FAM167A: variants seen among roughly 807,000 people sequenced by gnomAD.
The protein encoded by FAM167A is protein FAM167A.
A neutral mutation model predicts 14.9 loss-of-function variants in FAM167A; 23 were observed. That is an observed-to-expected ratio of 1.55 (90% CI 1.11 to 2.19). The LOEUF is 2.19. Among genes scored for constraint, FAM167A ranks in the 30% most tolerant of loss-of-function variants. FAM167A has a pLI of 0.00. For missense variants in FAM167A, 401 were observed against 281.5 expected (o/e 1.42, Z -3.04); for synonymous variants, 174 against 117.7 (o/e 1.48, Z -3.10).
chr8:11,438,886 G>A (rs1261668459), intron 2 of FAM167A, among the ~76,000 whole-genome samples: 2 of 152,204 alleles, frequency 1.3e-5, no homozygotes, highest in African/African-American at 4.8e-5. Context: ...ATGGCTCCGA[G>A]CAACTTGCTA....
rs554978519 is a variant in FAM167A, at chr8:11,421,521, C to G, written c.*2852G>C. Reference sequence around the variant, plus strand: ...CTTCTTTTGAAGTATTTTTATTTCACTTTTTCTAACAGCAATATAGAAACA... The same window carrying G: ...CTTCTTTTGAAGTATTTTTATTTCAGTTTTTCTAACAGCAATATAGAAACA... On this transcript the variant is annotated 3_prime_UTR_variant, in exon 3 of 3. Coordinates refer to ENST00000284486, the MANE Select transcript of FAM167A (RefSeq NM_053279.3). The G allele has an allele frequency of 1.3e-5, 5 of 388,282 alleles. No homozygotes were observed. The highest frequency in any genetic ancestry group is 1.3e-3 in the Middle Eastern group (2 of 1,542). 24.1% of individuals were successfully genotyped at this position (388,282 alleles called of 1,614,324 possible).
intron 2 of FAM167A, among the ~76,000 whole-genome samples, chr8:11,434,498 G>C (rs1372658197): frequency 6.6e-6 from 1 of 152,164 alleles, no homozygotes; most frequent in Non-Finnish European, 1.5e-5. Flanking sequence ...TGAGTTTGCT[G>C]GGAGGGAGAG....
At chr8:11,426,099 T>TAGAAAGAAATG (rs1805122955) in intron 2 of FAM167A, among the ~76,000 whole-genome samples, 1 of 152,234 alleles carries the variant, frequency 6.6e-6, no homozygotes, top group Non-Finnish European at 1.5e-5. Context: ...CTGTCCTTTG[T>TAGAAAGAAATG]CTTAAGCATT....
At chr8:11,454,149 C>T (rs1585270759) in intron 1 of FAM167A, among the ~76,000 whole-genome samples, 1 of 152,208 alleles carries the variant, frequency 6.6e-6, no homozygotes, top group Non-Finnish European at 1.5e-5. Flanking sequence ...TCTTTAGTGC[C>T]GGCCTCACCT....
In FAM167A at chr8:11,445,126, C is replaced by T. The variant is rs919833202; in HGVS notation, c.-397-318G>A. 2.0e-5 allele frequency: 20 copies of T among 983,886 alleles called. No homozygotes were observed. The Admixed American group carries it at 1.2e-3, about 61-fold the overall frequency. 60.9% of individuals were successfully genotyped at this position (983,886 alleles called of 1,614,324 possible). Reference sequence around the variant, plus strand: ...TTTCACACACGAGGAACCCACATATCCTAGAAGTTAAATGACTCACCGAGA... The same window carrying T: ...TTTCACACACGAGGAACCCACATATTCTAGAAGTTAAATGACTCACCGAGA... On this transcript the variant is annotated intron_variant, in intron 1 of 2. Transcript: ENST00000284486.
chr8:11,466,084 T>C (rs1027270996), intron 1 of FAM167A, among the ~76,000 whole-genome samples: 5 of 152,106 alleles, frequency 3.3e-5, no homozygotes, highest in African/African-American at 1.2e-4. Context: ...GCTGACCTGC[T>C]CATTCCCGGG....
At chr8:11,450,896 G>A (rs897542317) in intron 1 of FAM167A, among the ~76,000 whole-genome samples, 5 of 152,204 alleles carry the variant, frequency 3.3e-5, no homozygotes, top group Non-Finnish European at 5.9e-5. Flanking sequence ...TGCAGGCTCT[G>A]GGCCTGCAGT....
upstream of FAM167A, among the ~76,000 whole-genome samples, chr8:11,470,505 C>T (rs569947108): frequency 2.2e-4 from 33 of 152,254 alleles, no homozygotes; most frequent in South Asian, 6.4e-3. Context: ...TGGCAGACCT[C>T]GTGAGGACTG....
chr8:11,473,914 C>T (rs1381093587), intron 1 of FAM167A, among the ~76,000 whole-genome samples: 1 of 151,980 alleles, frequency 6.6e-6, no homozygotes, highest in East Asian at 1.9e-4. Context: ...ACTCTGTCAC[C>T]CAGGCTGGAG....
chr8:11,455,986 G>GC lies in FAM167A; in HGVS notation c.-398+10639dup, dbSNP rs1174853513. 3.0e-5 allele frequency among the ~76,000 whole-genome samples: 4 copies of GC among 132,468 alleles called. No homozygotes were observed. In the East Asian group the frequency reaches 7.6e-4, roughly 25 times the overall value. 86.9% of individuals were successfully genotyped at this position (132,468 alleles called of 152,430 possible). A position where few individuals can be genotyped will look rare whatever the true frequency, so the allele number is the denominator to read the frequency against. On this transcript the variant is annotated intron_variant, in intron 1 of 2. Transcript: ENST00000284486. ...CTGTGAGTGAGTGTGGGGGGTGGTT[G>GC]CCTTCTGGGTATGAGTGGGAGTGTA...
At chr8:11,455,901 G>A (rs1408270580) in intron 1 of FAM167A, among the ~76,000 whole-genome samples, 1 of 148,590 alleles carries the variant, frequency 6.7e-6, no homozygotes, top group East Asian at 2.1e-4. Context: ...CAGAGTGTGA[G>A]TGTGAGTGTG....
chr8:11,450,162 G>C (rs1806966929), intron 1 of FAM167A, among the ~76,000 whole-genome samples: 1 of 152,168 alleles, frequency 6.6e-6, no homozygotes, highest in African/African-American at 2.4e-5. Flanking sequence ...CTCCAGCCTG[G>C]AAAGCCCTTC....
intron 2 of FAM167A, among the ~76,000 whole-genome samples, chr8:11,442,475 C>G (rs187919170): frequency 1.3e-5 from 2 of 152,200 alleles, no homozygotes; most frequent in Admixed American, 6.5e-5. Flanking sequence ...GGGCGCTATG[C>G]GGAATGCTAA....
At chr8:11,472,475 T>TTTTGAGACAAG (rs1338739437), upstream of FAM167A, among the ~76,000 whole-genome samples, 1 of 148,020 alleles carries the variant, frequency 6.8e-6, no homozygotes, top group African/African-American at 2.5e-5. Context: ...GGTCTCTCTC[T>TTTTGAGACAAG]GTTGCCCAGG....
At chr8:11,458,953 A>G (rs904620098) in intron 1 of FAM167A, among the ~76,000 whole-genome samples, 1 of 152,242 alleles carries the variant, frequency 6.6e-6, no homozygotes, top group Non-Finnish European at 1.5e-5. Flanking sequence ...GGGCTTCAGG[A>G]GGGCGAATTC....
rs569821309 is a variant in FAM167A at position 11,444,617 on chromosome 8, G to A, written c.-206C>T. The A allele has an allele frequency of 5.7e-5, 78 of 1,376,608 alleles. No individual in the cohort carries two copies. The African/African-American group carries it at 9.9e-4, about 17-fold the overall frequency. 85.3% of individuals were successfully genotyped at this position (1,376,608 alleles called of 1,614,324 possible). On this transcript the variant is annotated 5_prime_UTR_variant, in exon 2 of 3. Transcript: ENST00000284486. ...GAGCCGCACAGGGCGCCCTCCTGGA[G>A]GCTCGGGTCTATGATCCGTCCTGGA...
chr8:11,450,271 G>A (rs556537639), intron 1 of FAM167A, among the ~76,000 whole-genome samples: 5 of 152,284 alleles, frequency 3.3e-5, no homozygotes, highest in Admixed American at 2.0e-4. Context: ...AGGACAACCC[G>A]AGCACATCAG....
chr8:11,435,174 G>T, intron 2 of FAM167A: 1 of 455,642 alleles, frequency 2.2e-6, no homozygotes. Flanking sequence ...TGCCCCCACA[G>T]GGCAGCCACA....
intron 2 of FAM167A, chr8:11,438,151 G>A (rs999049077): frequency 2.0e-5 from 9 of 456,486 alleles, no homozygotes; most frequent in African/African-American, 1.8e-4. Flanking sequence ...ACATGGGGCT[G>A]GATGAAAAGA....
Sources: gnomAD v4.1 joint callset for allele counts (sites outside exome capture counted in the v4.1 genomes callset) on GRCh38, gnomAD v4.1.1 for gene constraint, MANE v1.5 for transcripts, NCBI Gene and HGNC (gene_info 2026-07-23, HGNC 2026-07-21) for gene names.